The following SH2D1B variants were observed in gnomAD, a reference collection of about 807,000 sequenced individuals.
The protein encoded by SH2D1B is SH2 domain containing 1B.
Under a neutral mutation model 16.3 loss-of-function variants are expected in SH2D1B, and 11 were observed. The observed-to-expected ratio is 0.67, with a 90% CI of 0.42 to 1.11. The LOEUF (loss-of-function observed/expected upper bound fraction) is 1.11, where lower values mean the gene tolerates loss of function less well. Among genes scored for constraint, SH2D1B ranks in the 50% most tolerant of loss-of-function variants. The probability of loss-of-function intolerance (pLI) is 0.00; values close to 1 mark genes in which losing one functional copy is unlikely to be tolerated. For synonymous variants in SH2D1B, 55 were observed against 56.1 expected, an observed-to-expected ratio of 0.98 and a Z score of 0.09; for missense variants, 123 against 153.1, an observed-to-expected ratio of 0.80 and a Z score of 1.04.
chr1:162,402,600 C>T, intron 2 of SH2D1B, 139 bp downstream of exon 2: 2 of 650,718 alleles, frequency 3.1e-6, no homozygotes, highest in Non-Finnish European at 5.4e-6. Flanking sequence ...CAGGTTAACT[C>T]GATCTGACTC....
At chr1:162,404,782 A>G (rs1347675207) in intron 1 of SH2D1B, among the ~76,000 whole-genome samples, 1 of 152,276 alleles carries the variant, frequency 6.6e-6, no homozygotes, top group Non-Finnish European at 1.5e-5. Flanking sequence ...GTTAAAATGT[A>G]AAAGACTGAC....
rs1318652088 is a variant in SH2D1B at position 162,395,798 on chromosome 1, G to C, written c.*1482C>G. On this transcript the variant is annotated 3_prime_UTR_variant, in exon 4 of 4. Transcript: ENST00000367929. ...AACAGAATATACAAGACTTCAGTTGGGAAAATTTATGACTCCATGAAAGGG... is the reference window on the plus strand; with the variant it reads ...AACAGAATATACAAGACTTCAGTTGCGAAAATTTATGACTCCATGAAAGGG... The C allele has an allele frequency of 6.6e-6, 1 of 152,082 alleles. No individual in the cohort carries two copies. The highest frequency in any genetic ancestry group is 1.5e-5 in the Non-Finnish European group (1 of 68,024). 9.4% of individuals were successfully genotyped at this position (152,082 alleles called of 1,614,324 possible).
At chr1:162,409,196 T>C (rs917178355) in intron 1 of SH2D1B, among the ~76,000 whole-genome samples, 4 of 151,806 alleles carry the variant, frequency 2.6e-5, no homozygotes, top group African/African-American at 9.7e-5. Context: ...CCTTGCACCT[T>C]CTTGTTTTTT....
At chr1:162,398,802 A>T (rs1432942703) in intron 3 of SH2D1B, 121 bp downstream of exon 3, 7 of 1,223,492 alleles carry the variant, frequency 5.7e-6, no homozygotes, top group Non-Finnish European at 7.9e-6. Flanking sequence ...TCTTAGTAGG[A>T]TGAAGCTTTT....
rs952164175 is a variant in SH2D1B at position 162,396,289 on chromosome 1, T to G, written c.*991A>C. ...TATTTCAAACTGACCAGGTCCTAAT[T>G]CACATTTTGAACTAGCAGAAAAATT... On this transcript the variant is annotated 3_prime_UTR_variant, in exon 4 of 4. Transcript: ENST00000367929. The G allele has an allele frequency of 6.6e-6, 1 of 152,198 alleles. No individual in the cohort carries two copies. Among genetic ancestry groups the G allele is most frequent in the African/African-American group, 2.4e-5 (1 of 41,456 alleles). The allele number at this position is 152,198 out of a possible 1,614,324, so 9.4% of individuals were successfully genotyped here.
At chr1:162,405,145 G>T (rs1008957940) in intron 1 of SH2D1B, among the ~76,000 whole-genome samples, 2 of 152,140 alleles carry the variant, frequency 1.3e-5, no homozygotes, top group African/African-American at 4.8e-5. Context: ...TAATTATTCC[G>T]AATAAAAGAA....
At chr1:162,403,361 T>C (rs1050937452) in intron 1 of SH2D1B, among the ~76,000 whole-genome samples, 63 of 150,304 alleles carry the variant, frequency 4.2e-4, no homozygotes, top group Non-Finnish European at 8.2e-4. Flanking sequence ...TGGTGGCGTA[T>C]GCCTGTAATC....
rs1264672136 is a variant in SH2D1B at position 162,396,683 on chromosome 1, A to C, written c.*597T>G. The C allele has an allele frequency of 6.6e-6, 1 of 152,490 alleles. No homozygotes were observed. The allele number at this position is 152,490 out of a possible 1,614,324, so 9.4% of individuals were successfully genotyped here. A position where few individuals can be genotyped will look rare whatever the true frequency, so the allele number is the denominator to read the frequency against. On this transcript the variant is annotated 3_prime_UTR_variant, in exon 4 of 4. Coordinates refer to ENST00000367929, the MANE Select transcript of SH2D1B (RefSeq NM_053282.5). ...GAGGAGAGTAGCCCAGGCTGGAGGG[A>C]GAAGGGTGCACATGGGGGTCCAGCA...
chr1:162,405,788 A>C (rs1014794235), intron 1 of SH2D1B, among the ~76,000 whole-genome samples: 2 of 152,232 alleles, frequency 1.3e-5, no homozygotes, highest in African/African-American at 2.4e-5. Flanking sequence ...AGGACCTCTA[A>C]GTTTTCCCAT....
At chr1:162,400,156 T>C (rs1648476414) in intron 2 of SH2D1B, among the ~76,000 whole-genome samples, 1 of 152,224 alleles carries the variant, frequency 6.6e-6, no homozygotes, top group South Asian at 2.1e-4. Context: ...GTATACTTGA[T>C]GAATTCACAA....
chr1:162,406,320 A>G (rs151147262), intron 1 of SH2D1B, among the ~76,000 whole-genome samples: 137 of 152,360 alleles, frequency 9.0e-4, no homozygotes, highest in African/African-American at 3.3e-3. Flanking sequence ...AAAATTGAAA[A>G]TAACCTAATG....
chr1:162,403,946 G>A (rs963379544), intron 1 of SH2D1B, among the ~76,000 whole-genome samples: 1 of 152,074 alleles, frequency 6.6e-6, no homozygotes, highest in Non-Finnish European at 1.5e-5. Context: ...GTCAGTGAGA[G>A]GGGGAGGATT....
At chr1:162,406,175 C>G (rs1387664562) in intron 1 of SH2D1B, among the ~76,000 whole-genome samples, 2 of 152,190 alleles carry the variant, frequency 1.3e-5, no homozygotes, top group Admixed American at 6.5e-5. Flanking sequence ...ACTAATTTTT[C>G]AGTGTGCATG....
intron 3 of SH2D1B, among the ~76,000 whole-genome samples, chr1:162,397,737 G>A (rs1167531578): frequency 3.9e-5 from 6 of 152,182 alleles, no homozygotes; most frequent in African/African-American, 1.4e-4. Context: ...AGGTCTTGGG[G>A]AAGATTTCTG....
intron 2 of SH2D1B, 31 bp from the exon 3 acceptor site, chr1:162,399,118 T>C: frequency 6.3e-7 from 1 of 1,587,308 alleles, no homozygotes; most frequent in Non-Finnish European, 8.6e-7. Flanking sequence ...AAATCACTCA[T>C]TATCATGCAA....
At chr1:162,404,391 G>C (rs949060777) in intron 1 of SH2D1B, among the ~76,000 whole-genome samples, 2 of 152,048 alleles carry the variant, frequency 1.3e-5, no homozygotes, top group Non-Finnish European at 2.9e-5. Context: ...AATGCTGAGA[G>C]GATATTTTAA....
intron 2 of SH2D1B, among the ~76,000 whole-genome samples, chr1:162,400,378 G>A (rs573195231): frequency 7.3e-6 from 1 of 136,902 alleles, no homozygotes; most frequent in Non-Finnish European, 1.5e-5. Context: ...TGCAAGTTCC[G>A]CCTCCCGGGT....
At chr1:162,409,374 T>G (rs1648740448) in intron 1 of SH2D1B, among the ~76,000 whole-genome samples, 1 of 152,178 alleles carries the variant, frequency 6.6e-6, no homozygotes, top group Admixed American at 6.5e-5. Flanking sequence ...CCATCCATGT[T>G]TCCCTGTTAT....
At chr1:162,399,242 ACT>A (rs1416817697) in intron 2 of SH2D1B, among the ~76,000 whole-genome samples, 155 bp from the exon 3 acceptor site, 2 of 152,128 alleles carry the variant, frequency 1.3e-5, no homozygotes, top group African/African-American at 4.8e-5. Context: ...GTTCACAGAA[ACT>A]CTCATTTCTA....
Sources: gnomAD v4.1 joint callset for allele counts (sites outside exome capture counted in the v4.1 genomes callset) on GRCh38, gnomAD v4.1.1 for gene constraint, MANE v1.5 for transcripts, NCBI Gene and HGNC (gene_info 2026-07-23, HGNC 2026-07-21) for gene names.